Variants in TRIM5 observed in about 807,000 individuals in gnomAD.
TRIM5 encodes tripartite motif containing 5.
Under a neutral mutation model 35.6 loss-of-function variants are expected in TRIM5, and 31 were observed. That is an observed-to-expected ratio of 0.87 (90% CI 0.65 to 1.18). TRIM5 has a LOEUF of 1.18. Ranked by LOEUF, TRIM5 falls within the 50% of genes most tolerant of loss-of-function variation. The pLI is 0.00. For synonymous variants in TRIM5, 243 were observed against 215.6 expected, an observed-to-expected ratio of 1.13 and a Z score of -1.11; for missense variants, 609 against 591.6, an observed-to-expected ratio of 1.03 and a Z score of -0.31.
intron 4 of TRIM5, 82 bp from the exon 5 acceptor site, chr11:5,667,793 C>T: frequency 6.7e-7 from 1 of 1,487,494 alleles, no homozygotes; most frequent in Non-Finnish European, 9.3e-7. Flanking sequence ...TCCCCCGGTT[C>T]CTAATGTGCT....
the TRIM5 span, chr11:5,605,564 G>A: frequency 6.2e-7 from 1 of 1,613,350 alleles, no homozygotes; most frequent in Non-Finnish European, 8.5e-7. Flanking sequence ...TGGAGCTGCT[G>A]CAGGTAAGGC....
At position 5,679,759 on chromosome 11, in the gene TRIM5, A is replaced by G. The variant is rs1852282784; in HGVS notation, c.417+2T>C. ...TCTCTTCCTTCCATCCCAGTCTCTTACTTGGTACTCCCGGGCAACCTCCTC... is the reference window on the plus strand; with the variant it reads ...TCTCTTCCTTCCATCCCAGTCTCTTGCTTGGTACTCCCGGGCAACCTCCTC... On this transcript the variant is annotated splice_donor_variant, in intron 2 of 7. Coordinates refer to ENST00000380034, the MANE Select transcript of TRIM5 (RefSeq NM_033034.3). LOFTEE classifies it high-confidence loss of function. 1.9e-6 allele frequency: 3 copies of G among 1,578,080 alleles called. No homozygotes were observed. Among genetic ancestry groups the G allele is most frequent in the Non-Finnish European group, 2.6e-6 (3 of 1,160,002 alleles).
chr11:5,634,807 G>A, the TRIM5 span: 1 of 1,613,770 alleles, frequency 6.2e-7, no homozygotes, highest in Non-Finnish European at 8.5e-7. Context: ...TGGTGAGAGA[G>A]CTCATCTCAG....
At chr11:5,618,481 A>G in the TRIM5 span, among the ~76,000 whole-genome samples, 1 of 152,240 alleles carries the variant, frequency 6.6e-6, no homozygotes, top group Non-Finnish European at 1.5e-5. Flanking sequence ...TGATATAAGT[A>G]ATATTAAACT....
chr11:5,617,682 G>T, the TRIM5 span, among the ~76,000 whole-genome samples: 3 of 143,034 alleles, frequency 2.1e-5, 1 homozygote, highest in Non-Finnish European at 4.6e-5. Context: ...TAGAGACGGG[G>T]TTTCGCCATG....
chr11:5,677,987 T>C (rs1399222549), intron 4 of TRIM5: 6 of 443,914 alleles, frequency 1.4e-5, no homozygotes, highest in Non-Finnish European at 2.4e-5. Flanking sequence ...TCATCTCCAC[T>C]ACGTCAAATT....
the TRIM5 span, chr11:5,604,427 A>T: frequency 1.0e-3 from 1,283 of 1,271,024 alleles, 14 homozygotes; most frequent in East Asian, 0.021. Flanking sequence ...CTAGGTTAGG[A>T]CAGGCTTCTT....
intron 7 of TRIM5, 31 bp from the exon 8 acceptor site, chr11:5,665,426 A>T: frequency 1.3e-6 from 2 of 1,565,134 alleles, no homozygotes; most frequent in Non-Finnish European, 1.7e-6. Context: ...CAGCTAAGGG[A>T]TATAATGTAA....
intron 4 of TRIM5, among the ~76,000 whole-genome samples, chr11:5,668,773 C>T (rs11038642): frequency 0.17 from 25,158 of 152,110 alleles, 2,321 homozygotes; most frequent in African/African-American, 0.24. Context: ...AGGTTGCTCT[C>T]TTTTCATTTT....
chr11:5,634,959 C>T, the TRIM5 span: 1 of 1,318,150 alleles, frequency 7.6e-7, no homozygotes, highest in Non-Finnish European at 1.0e-6. Context: ...TTTCTTTGGC[C>T]TTGCAGTGCC....
At chr11:5,619,744 G>A in the TRIM5 span, 1 of 111,792 alleles carries the variant, frequency 8.9e-6, no homozygotes, top group East Asian at 2.7e-4. Flanking sequence ...TCACTCTGTT[G>A]CCCAGGCTAG....
the TRIM5 span, among the ~76,000 whole-genome samples, chr11:5,636,198 A>C: frequency 5.2e-4 from 79 of 152,358 alleles, no homozygotes; most frequent in African/African-American, 1.9e-3. Context: ...TAGCTGTGAA[A>C]AATAATGAAT....
At chr11:5,598,573 T>C in the TRIM5 span, among the ~76,000 whole-genome samples, 1,523 of 152,272 alleles carry the variant, frequency 0.01, 18 homozygotes, top group African/African-American at 0.034. Flanking sequence ...AAAATACAAT[T>C]AGGACATGTG....
At chr11:5,592,280 T>C in the TRIM5 span, among the ~76,000 whole-genome samples, 27 of 152,210 alleles carry the variant, frequency 1.8e-4, no homozygotes, top group Admixed American at 1.5e-3. Flanking sequence ...TAGTTAATAA[T>C]GCTACCTATC....
At chr11:5,682,990 G>T (rs12799127) in intron 1 of TRIM5, among the ~76,000 whole-genome samples, 2 of 151,820 alleles carry the variant, frequency 1.3e-5, no homozygotes, top group Non-Finnish European at 2.9e-5. Flanking sequence ...CGCGCTTGTG[G>T]GCCAGCTGGA....
At chr11:5,593,226 C>A in the TRIM5 span, among the ~76,000 whole-genome samples, 1 of 152,228 alleles carries the variant, frequency 6.6e-6, no homozygotes, top group African/African-American at 2.4e-5. Flanking sequence ...CCTGAATTCT[C>A]AAGCATAAAC....
At chr11:5,598,610 C>CT in the TRIM5 span, among the ~76,000 whole-genome samples, 1 of 152,012 alleles carries the variant, frequency 6.6e-6, no homozygotes, top group Non-Finnish European at 1.5e-5. Flanking sequence ...TAATAAGATC[C>CT]TTTAACTTTT....
chr11:5,652,109 GTTTT>G, the TRIM5 span, among the ~76,000 whole-genome samples: 1 of 151,912 alleles, frequency 6.6e-6, no homozygotes, highest in Non-Finnish European at 1.5e-5. Flanking sequence ...TATTTTCTCC[GTTTT>G]TTGTTTTTGT....
chr11:5,642,251 TGGATCCA>T, the TRIM5 span, among the ~76,000 whole-genome samples: 2 of 152,182 alleles, frequency 1.3e-5, no homozygotes, highest in Non-Finnish European at 2.9e-5. Context: ...ACATTTCTTC[TGGATCCA>T]GGGTCCGGCT....
Sources: allele counts gnomAD v4.1 joint callset (sites outside exome capture counted in the v4.1 genomes callset), GRCh38; gene constraint gnomAD v4.1.1; transcripts MANE v1.5; gene names NCBI Gene and HGNC (gene_info 2026-07-23, HGNC 2026-07-21).